Variants in ZNF530 observed in about 807,000 individuals in gnomAD.
ZNF530 encodes zinc finger protein 530.
ZNF530 carries 5 observed loss-of-function variants against 2.8 expected under a neutral mutation model. That is an observed-to-expected ratio of 1.80 (90% CI 0.94 to 3.78). The LOEUF is 3.78. Among genes scored for constraint, ZNF530 ranks in the 30% most tolerant of loss-of-function variants. ZNF530 has a pLI of 0.00. For synonymous variants in ZNF530, 229 were observed against 235.0 expected (o/e 0.97, Z 0.23); for missense variants, 619 against 673.3 (o/e 0.92, Z 0.89).
rs746550646 is a variant in ZNF530 at position 57,606,672 on chromosome 19, G to T, written c.1048G>T (p.Glu350Ter). 6.2e-7 allele frequency: 1 copy of T among 1,614,058 alleles called. No individual in the cohort carries two copies. Among genetic ancestry groups the T allele is most frequent in the Non-Finnish European group, 8.5e-7 (1 of 1,180,034 alleles). The change falls in exon 4 of 4, where the codon GAA becomes TAA. Residue 350 changes from glutamate (E) to a stop codon, truncating the protein, a stop_gained. Coordinates refer to ENST00000597700, the MANE Select transcript of ZNF530 (RefSeq NM_001321981.2). LOFTEE classifies it low-confidence loss of function (END_TRUNC). ...HTGVRPYECS[E>*]CGKAFSCNIY... ...TGGAGTAAGGCCTTATGAGTGTAGT[G>T]AATGTGGGAAAGCATTTAGTTGCAA...
chr19:57,602,601 G>C (rs147498952), intron 2 of ZNF530, among the ~76,000 whole-genome samples: 1 of 152,290 alleles, frequency 6.6e-6, no homozygotes, highest in Non-Finnish European at 1.5e-5. Flanking sequence ...GTTATAGAGG[G>C]AAGCAGCCCT....
rs1325995843 is a variant in ZNF530 at position 57,609,223 on chromosome 19, C to T, written c.*1898C>T. On this transcript the variant is annotated 3_prime_UTR_variant, in exon 4 of 4. Coordinates refer to ENST00000597700, the MANE Select transcript of ZNF530 (RefSeq NM_001321981.2). ...GTGCACGTCTATAATCCCAGCTGCT[C>T]TGAAGGCTGACGCACCAAGAATAGC... is the stretch of plus-strand genomic sequence containing the variant. Among the ~76,000 whole-genome samples the T allele has an allele frequency of 6.6e-6, 1 of 151,754 alleles. No homozygotes were observed. The highest frequency in any genetic ancestry group is 1.5e-5 in the Non-Finnish European group (1 of 67,968).
At position 57,599,893 on chromosome 19, in the gene ZNF530, C is replaced by T. The variant is rs1980127384; in HGVS notation, c.-363C>T. On this transcript the variant is annotated 5_prime_UTR_variant, in exon 1 of 4. Coordinates refer to ENST00000597700, the MANE Select transcript of ZNF530 (RefSeq NM_001321981.2). The stretch of plus-strand genomic sequence containing the variant: ...GTCCAACTTGTCGGAGCGGAACTTC[C>T]GGCGTCCTCCCTGTGGCGGGCACTT... 6 of 506,138 alleles carry T rather than the reference C, an allele frequency of 1.2e-5. No homozygotes were observed. Among genetic ancestry groups the T allele is most frequent in the Non-Finnish European group, 2.1e-5 (6 of 284,704 alleles). The allele number at this position is 506,138 out of a possible 1,614,324, so 31.4% of individuals were successfully genotyped here.
chr19:57,608,179 T>A lies in ZNF530; in HGVS notation c.*854T>A, dbSNP rs967955838. The A allele has an allele frequency of 1.5e-4, 23 of 152,208 alleles. No homozygotes were observed. Among genetic ancestry groups the A allele is most frequent in the African/African-American group, 4.3e-4 (18 of 41,456 alleles). The allele number at this position is 152,208 out of a possible 1,614,324, so 9.4% of individuals were successfully genotyped here. A position where few individuals can be genotyped will look rare whatever the true frequency, so the allele number is the denominator to read the frequency against. ...GGACATTGTTGATCTCAGGCGATGC[T>A]TGTGATGAAGCATTTTTTAGCTTCC... On this transcript the variant is annotated 3_prime_UTR_variant, in exon 4 of 4. Coordinates refer to ENST00000597700, the MANE Select transcript of ZNF530 (RefSeq NM_001321981.2).
chr19:57,607,574 A>C lies in ZNF530; in HGVS notation c.*249A>C. On this transcript the variant is annotated 3_prime_UTR_variant, in exon 4 of 4. Transcript: ENST00000597700. ...TGGTCAGGCTGGTGTTGAACTCCTG[A>C]CCTCAGGTAATCCACCTGCTTCAGC... 1 of 437,826 alleles carries C rather than the reference A, an allele frequency of 2.3e-6. No homozygotes were observed. Among genetic ancestry groups the C allele is most frequent in the Non-Finnish European group, 4.1e-6 (1 of 245,730 alleles). 27.1% of individuals were successfully genotyped at this position (437,826 alleles called of 1,614,324 possible).
At chr19:57,605,579 T>G in intron 3 of ZNF530, 107 bp from the exon 4 acceptor site, 1 of 1,184,856 alleles carries the variant, frequency 8.4e-7, no homozygotes, top group Non-Finnish European at 1.2e-6. Context: ...CCACCAGCTC[T>G]CATATCCTAA....
In ZNF530 at chr19:57,599,993, C is replaced by G; in HGVS notation, c.-263C>G. ...GACAGCGAGAAGGCGCGAGGAGAGT[C>G]GTTTTCTCAGCTGCACAGCCGGGGC... On this transcript the variant is annotated 5_prime_UTR_variant, in exon 1 of 4. Coordinates refer to ENST00000597700, the MANE Select transcript of ZNF530 (RefSeq NM_001321981.2). The G allele has an allele frequency of 8.0e-7, 1 of 1,250,420 alleles. No individual in the cohort carries two copies. The highest frequency in any genetic ancestry group is 1.1e-6 in the Non-Finnish European group (1 of 926,588). The allele number at this position is 1,250,420 out of a possible 1,614,324, so 77.5% of individuals were successfully genotyped here. A position where few individuals can be genotyped will look rare whatever the true frequency, so the allele number is the denominator to read the frequency against.
Position 57,607,070 on chromosome 19 carries a change from T to G in ZNF530, c.1446T>G (p.Asn482Lys), listed in dbSNP as rs144956076. ...TTCGACACCAGACTGTTCACACTAA[T>G]GAAAGGCCTTATGAGTGCGATGAAT... ...HLIRHQTVHT[N>K]ERPYECDECG... The change falls in exon 4 of 4, where the codon AAT (asparagine) becomes AAG (lysine). Residue 482 changes from asparagine to lysine, a missense_variant. Coordinates refer to ENST00000597700, the MANE Select transcript of ZNF530 (RefSeq NM_001321981.2). 12 of 1,605,098 alleles carry G rather than the reference T, an allele frequency of 7.5e-6. No individual in the cohort carries two copies. The African/African-American group carries it at 1.5e-4, about 20-fold the overall frequency.
At chr19:57,601,469 A>T (rs981117443) in intron 2 of ZNF530, among the ~76,000 whole-genome samples, 1 of 152,196 alleles carries the variant, frequency 6.6e-6, no homozygotes, top group Non-Finnish European at 1.5e-5. Flanking sequence ...AGCCAAGTAG[A>T]TAGTAGAATT....
At position 57,609,950 on chromosome 19, in the gene ZNF530, A is replaced by C. The variant is rs1368048747; in HGVS notation, c.*2625A>C. ...CTGCCACTGAAGCAGGTCTGCCTCT[A>C]CGTGGCCTGGGGAGCTAGATGGTAG... On this transcript the variant is annotated 3_prime_UTR_variant, in exon 4 of 4. Coordinates refer to ENST00000597700, the MANE Select transcript of ZNF530 (RefSeq NM_001321981.2). 1.3e-5 allele frequency among the ~76,000 whole-genome samples: 2 copies of C among 152,318 alleles called. No homozygotes were observed. The highest frequency in any genetic ancestry group is 3.9e-4 in the East Asian group (2 of 5,188).
In ZNF530 at chr19:57,606,203, C is replaced by T. The variant is rs1239350540; in HGVS notation, c.579C>T (p.Phe193=). The stretch of plus-strand genomic sequence containing the variant: ...AATCTTTTAGAGAGAAATCTGTATT[C>T]ATTCAACACCAAAGAGCTGACTCTG... ...SRKSFREKSV[F]IQHQRADSGE... Residue 193 remains phenylalanine (F), a synonymous_variant, in exon 4 of 4, where the codon TTC becomes TTT. Coordinates refer to ENST00000597700, the MANE Select transcript of ZNF530 (RefSeq NM_001321981.2). 6.2e-7 allele frequency: 1 copy of T among 1,614,216 alleles called. No homozygotes were observed. The highest frequency in any genetic ancestry group is 1.7e-5 in the Admixed American group (1 of 60,012).
intron 1 of ZNF530, 89 bp downstream of exon 1, chr19:57,600,223 G>T (rs766559757): frequency 3.0e-5 from 42 of 1,396,806 alleles, no homozygotes; most frequent in Non-Finnish European, 3.9e-5. Context: ...GGACCGCACT[G>T]TCCGGCACAG....
At chr19:57,603,518 C>T (rs1168264672) in intron 2 of ZNF530, among the ~76,000 whole-genome samples, 2 of 152,228 alleles carry the variant, frequency 1.3e-5, no homozygotes, top group Non-Finnish European at 2.9e-5. Flanking sequence ...CTGGGAGCAT[C>T]ACTTAACCTT....
rs918354296 is a variant in ZNF530 at position 57,599,889 on chromosome 19, C to T, written c.-367C>T. Reference sequence around the variant, plus strand: ...CTCTGTCCAACTTGTCGGAGCGGAACTTCCGGCGTCCTCCCTGTGGCGGGC... The same window carrying T: ...CTCTGTCCAACTTGTCGGAGCGGAATTTCCGGCGTCCTCCCTGTGGCGGGC... On this transcript the variant is annotated 5_prime_UTR_variant, in exon 1 of 4. Transcript: ENST00000597700. The T allele has an allele frequency of 2.0e-5, 10 of 503,606 alleles. No homozygotes were observed. The highest frequency in any genetic ancestry group is 5.8e-5 in the African/African-American group (3 of 51,760). The allele number at this position is 503,606 out of a possible 1,614,324, so 31.2% of individuals were successfully genotyped here. A position where few individuals can be genotyped will look rare whatever the true frequency, so the allele number is the denominator to read the frequency against.
Position 57,606,893 on chromosome 19 carries a change from TCA to T in ZNF530, c.1273_1274del (p.Thr425Ter). 2 of 1,613,450 alleles carry T rather than the reference TCA, an allele frequency of 1.2e-6. No homozygotes were observed. The highest frequency in any genetic ancestry group is 1.7e-4 in the Middle Eastern group (1 of 6,054). ...CTGGCCTCTTTCGACACAGAAGAGCTCACACTAAAACAAAGCCTTATGAGTGC... is the reference window on the plus strand; with the variant it reads ...CTGGCCTCTTTCGACACAGAAGAGCTCACTAAAACAAAGCCTTATGAGTGC... ...SSGLFRHRRA[H>X]TKTKPYECSE... On this transcript the variant is annotated frameshift_variant, in exon 4 of 4. Coordinates refer to ENST00000597700, the MANE Select transcript of ZNF530 (RefSeq NM_001321981.2). LOFTEE classifies it low-confidence loss of function (END_TRUNC).
rs1033533933 is a variant in ZNF530, at chr19:57,600,005, T to C, written c.-251T>C. On this transcript the variant is annotated 5_prime_UTR_variant, in exon 1 of 4. Coordinates refer to ENST00000597700, the MANE Select transcript of ZNF530 (RefSeq NM_001321981.2). ...GCGCGAGGAGAGTCGTTTTCTCAGC[T>C]GCACAGCCGGGGCCTGACGGTCGCC... The C allele has an allele frequency of 7.7e-5, 103 of 1,333,988 alleles. No homozygotes were observed. The highest frequency in any genetic ancestry group is 9.5e-5 in the Non-Finnish European group (95 of 996,538). 82.6% of individuals were successfully genotyped at this position (1,333,988 alleles called of 1,614,324 possible).
At chr19:57,602,003 A>C (rs1271530978) in intron 2 of ZNF530, among the ~76,000 whole-genome samples, 1 of 152,252 alleles carries the variant, frequency 6.6e-6, no homozygotes, top group African/African-American at 2.4e-5. Context: ...TCACATTTCC[A>C]GGTGAGATTT....
chr19:57,607,739 A>C lies in ZNF530; in HGVS notation c.*414A>C, dbSNP rs919514714. The C allele has an allele frequency of 5.4e-6, 1 of 186,720 alleles. No homozygotes were observed. The allele number at this position is 186,720 out of a possible 1,614,324, so 11.6% of individuals were successfully genotyped here. A position where few individuals can be genotyped will look rare whatever the true frequency, so the allele number is the denominator to read the frequency against. ...GCTTGTTAGTTTGTTTTAACTTGGTATGACGGCACTGGAGGCTAGCCTTTG... is the reference window on the plus strand; with the variant it reads ...GCTTGTTAGTTTGTTTTAACTTGGTCTGACGGCACTGGAGGCTAGCCTTTG... On this transcript the variant is annotated 3_prime_UTR_variant, in exon 4 of 4. Transcript: ENST00000597700.
rs770401800 is a variant in ZNF530 at position 57,606,148 on chromosome 19, G to A, written c.524G>A (p.Arg175Gln). The change falls in exon 4 of 4, where the codon CGA (arginine) becomes CAA (glutamine). Residue 175 changes from arginine (R) to glutamine (Q), a missense_variant. Physicochemically the swap from Arg to Gln is conservative, Grantham distance 43. Transcript: ENST00000597700. The part of the protein sequence containing the change: ...RIRHLRVPTG[R>Q]KPLKYTESRK... The stretch of plus-strand genomic sequence containing the variant: ...AGACACTTGAGAGTTCCCACTGGAC[G>A]AAAGCCTCTCAAATACACTGAATCC... 76 of 1,614,086 alleles carry A rather than the reference G, an allele frequency of 4.7e-5. No homozygotes were observed. Among genetic ancestry groups the A allele is most frequent in the South Asian group, 3.0e-4 (27 of 91,088 alleles).
Sources: allele counts gnomAD v4.1 joint callset (sites outside exome capture counted in the v4.1 genomes callset), GRCh38; gene constraint gnomAD v4.1.1; transcripts MANE v1.5; gene names NCBI Gene and HGNC (gene_info 2026-07-23, HGNC 2026-07-21).